CFAP99: variants seen among roughly 807,000 people sequenced by gnomAD.
CFAP99 encodes cilia and flagella associated protein 99, also known as cilia- and flagella-associated protein 99.
Under a neutral mutation model 82.7 loss-of-function variants are expected in CFAP99, and 84 were observed. That is an observed-to-expected ratio of 1.02 (90% CI 0.85 to 1.22). The LOEUF is 1.22. Ranked by LOEUF, CFAP99 falls within the 50% of genes most tolerant of loss-of-function variation. The pLI is 0.00. For missense variants in CFAP99, 1,059 were observed against 983.5 expected (o/e 1.08, Z -1.03); for synonymous variants, 456 against 429.5 (o/e 1.06, Z -0.76).
At chr4:2,451,393 C>G in intron 10 of CFAP99, 41 bp downstream of exon 10, 1 of 1,522,766 alleles carries the variant, frequency 6.6e-7, no homozygotes, top group Non-Finnish European at 8.8e-7. Context: ...TCCACGGCAT[C>G]ACCCTTGAGA....
intron 10 of CFAP99, 47 bp downstream of exon 10, chr4:2,451,399 T>G: frequency 6.6e-7 from 1 of 1,520,216 alleles, no homozygotes; most frequent in East Asian, 2.5e-5. Flanking sequence ...GCATCACCCT[T>G]GAGAGGAAAG....
intron 14 of CFAP99, 136 bp downstream of exon 14, chr4:2,460,378 CCT>C (rs1040220997): frequency 1.4e-6 from 1 of 736,536 alleles, no homozygotes; most frequent in Non-Finnish European, 2.2e-6. Flanking sequence ...CCGTAACTCC[CCT>C]GACCCCTATT....
At chr4:2,428,201 G>T (rs1277752635) in intron 2 of CFAP99, 1 of 152,376 alleles carries the variant, frequency 6.6e-6, no homozygotes, top group Non-Finnish European at 1.5e-5. Context: ...AATAGCGAAG[G>T]CCCAGGTCCC....
chr4:2,443,724 G>A (rs766370270), intron 5 of CFAP99, among the ~76,000 whole-genome samples: 3 of 152,186 alleles, frequency 2.0e-5, no homozygotes, highest in Non-Finnish European at 2.9e-5. Context: ...GGATTCTGGG[G>A]TCTAGATATC....
At chr4:2,459,037 G>A in intron 12 of CFAP99, 70 bp from the exon 13 acceptor site, 7 of 1,453,810 alleles carry the variant, frequency 4.8e-6, no homozygotes, top group East Asian at 2.5e-5. Context: ...AACCCTGGGG[G>A]AGGTGCCTTC....
intron 12 of CFAP99, 46 bp downstream of exon 12, chr4:2,458,910 C>T (rs1181794892): frequency 2.0e-6 from 3 of 1,507,878 alleles, no homozygotes; most frequent in Non-Finnish European, 2.7e-6. Context: ...CTCTTCCCCA[C>T]TCGGGTGCTG....
intron 6 of CFAP99, 103 bp from the exon 7 acceptor site, chr4:2,449,567 C>A: frequency 9.6e-7 from 1 of 1,045,312 alleles, no homozygotes; most frequent in South Asian, 1.4e-5. Context: ...CGCCACCACC[C>A]TCCCCTTCAC....
chr4:2,428,408 C>G (rs1287182179), intron 2 of CFAP99: 1 of 152,238 alleles, frequency 6.6e-6, no homozygotes, highest in Non-Finnish European at 1.5e-5. Context: ...TTTTTAAGTC[C>G]TCTGTACTCC....
At chr4:2,421,725 G>T (rs1001315147) in intron 1 of CFAP99, among the ~76,000 whole-genome samples, 27 of 151,900 alleles carry the variant, frequency 1.8e-4, no homozygotes, top group African/African-American at 6.5e-4. Flanking sequence ...ATCAATATGA[G>T]AAAAAAATCT....
At chr4:2,458,610 G>A in intron 11 of CFAP99, 113 bp from the exon 12 acceptor site, 3 of 1,349,224 alleles carry the variant, frequency 2.2e-6, no homozygotes, top group Non-Finnish European at 2.0e-6. Flanking sequence ...GGTGATTCAA[G>A]GGCAGGGACT....
chr4:2,451,347 G>T (rs1232295086), exon 10 of CFAP99: 1 of 1,535,548 alleles, frequency 6.5e-7, no homozygotes, highest in South Asian at 1.2e-5. Flanking sequence ...AGCAGGAGCT[G>T]CAGAGGTGAA....
chr4:2,438,185 C>T (rs560360084), intron 4 of CFAP99, 21 bp downstream of exon 4: 18 of 1,442,074 alleles, frequency 1.2e-5, no homozygotes, highest in Admixed American at 7.9e-5. Context: ...CCTACCTGCC[C>T]ACCAGGCCAC....
chr4:2,445,338 GCTT>G, intron 6 of CFAP99, 30 bp downstream of exon 6: 1 of 1,303,110 alleles, frequency 7.7e-7, no homozygotes. Context: ...GCAGGCACTG[GCTT>G]GCAGGCATCA....
intron 11 of CFAP99, among the ~76,000 whole-genome samples, chr4:2,454,546 C>G (rs1182316242): frequency 6.8e-6 from 1 of 147,748 alleles, no homozygotes; most frequent in Admixed American, 6.7e-5. Context: ...ACAATCTACT[C>G]TCTTAGCAAT....
rs1166671122 is a variant in CFAP99 at position 2,462,052 on chromosome 4, G to A, written c.1662-391G>A. ...CACGCCTGTAATCCCAGCATTTTGG[G>A]AGGCTGAGGTAGGAGAATTGCTTGA... On this transcript the variant is annotated intron_variant, in intron 14 of 14. Coordinates refer to ENST00000635017, the Ensembl canonical transcript of CFAP99. The surrounding 1 kb of genome is among the most constrained non-coding windows in gnomAD (Gnocchi z 4.1). 2.0e-5 allele frequency among the ~76,000 whole-genome samples: 3 copies of A among 152,006 alleles called. No individual in the cohort carries two copies. Among genetic ancestry groups the A allele is most frequent in the African/African-American group, 7.2e-5 (3 of 41,398 alleles).
chr4:2,433,086 C>A (rs1055358482), intron 2 of CFAP99, among the ~76,000 whole-genome samples: 3 of 152,128 alleles, frequency 2.0e-5, no homozygotes, highest in African/African-American at 7.3e-5. Context: ...CCCGGCCCAG[C>A]CTGGCGTGGA....
At chr4:2,441,953 T>C (rs1313809504) in intron 4 of CFAP99, among the ~76,000 whole-genome samples, 1 of 152,122 alleles carries the variant, frequency 6.6e-6, no homozygotes, top group Non-Finnish European at 1.5e-5. Context: ...GAGACACCTG[T>C]AGGGGGCTGA....
At chr4:2,431,742 T>C (rs1360963815) in intron 2 of CFAP99, among the ~76,000 whole-genome samples, 1 of 106,230 alleles carries the variant, frequency 9.4e-6, no homozygotes, top group Non-Finnish European at 2.0e-5. Flanking sequence ...AGTCACTTTA[T>C]TATTTTTTTT....
intron 4 of CFAP99, among the ~76,000 whole-genome samples, chr4:2,438,732 T>G (rs1437045509): frequency 6.6e-6 from 1 of 152,056 alleles, no homozygotes; most frequent in Non-Finnish European, 1.5e-5. Context: ...ATTGAACCAC[T>G]GCACTTGGGC....
Sources: gnomAD v4.1 joint callset for allele counts (sites outside exome capture counted in the v4.1 genomes callset) on GRCh38, gnomAD v4.1.1 for gene constraint, Gnocchi (gnomAD v3.1) non-coding constraint, MANE v1.5 for transcripts, NCBI Gene and HGNC (gene_info 2026-07-23, HGNC 2026-07-21) for gene names.